LARS2: variants seen among roughly 807,000 people sequenced by gnomAD.
LARS2 encodes the protein leucine--tRNA ligase, mitochondrial.
A neutral mutation model predicts 116.6 loss-of-function variants in LARS2; 81 were observed. The observed-to-expected ratio is 0.69, with a 90% CI of 0.58 to 0.84. The LOEUF (loss-of-function observed/expected upper bound fraction) is 0.84, where lower values mean the gene tolerates loss of function less well. Among genes scored for constraint, LARS2 ranks in the 40% least tolerant of loss-of-function variants. The probability of loss-of-function intolerance (pLI) is 0.00; values close to 1 mark genes in which losing one functional copy is unlikely to be tolerated. For missense variants in LARS2, 968 were observed against 1,114.5 expected (o/e 0.87, Z 1.87); for synonymous variants, 396 against 407.2 (o/e 0.97, Z 0.33).
At chr3:45,532,070 C>T (rs921008675) in intron 20 of LARS2, among the ~76,000 whole-genome samples, 2 of 152,158 alleles carry the variant, frequency 1.3e-5, no homozygotes, top group African/African-American at 4.8e-5. Context: ...TTTTCTTCTT[C>T]TAATAGTTAT....
chr3:45,447,787 C>G (rs372434714), intron 7 of LARS2, among the ~76,000 whole-genome samples: 1 of 151,880 alleles, frequency 6.6e-6, no homozygotes, highest in South Asian at 2.1e-4. Context: ...AGTGGTCTCC[C>G]GAGAAATGAA....
At chr3:45,532,567 C>A (rs908308121) in intron 20 of LARS2, among the ~76,000 whole-genome samples, 5 of 152,136 alleles carry the variant, frequency 3.3e-5, no homozygotes, top group Non-Finnish European at 5.9e-5. Flanking sequence ...CTAAGACTAG[C>A]TTTTTCTCAA....
At chr3:45,478,176 C>T (rs1226619890) in intron 10 of LARS2, among the ~76,000 whole-genome samples, 1 of 152,172 alleles carries the variant, frequency 6.6e-6, no homozygotes, top group Non-Finnish European at 1.5e-5. Context: ...AGCTGTCTCT[C>T]TCAGGTTTAT....
At chr3:45,441,137 G>C (rs1221879370) in intron 6 of LARS2, among the ~76,000 whole-genome samples, 4 of 150,044 alleles carry the variant, frequency 2.7e-5, no homozygotes, top group Non-Finnish European at 4.4e-5. Flanking sequence ...CAATTCTCCT[G>C]CCTCAGCCAT....
In LARS2 at chr3:45,409,965, T is replaced by C. The variant is rs527523264; in HGVS notation, c.364-7517T>C. Among the ~76,000 whole-genome samples the C allele has an allele frequency of 1.2e-4, 19 of 152,382 alleles. No individual in the cohort carries two copies. In the South Asian group the frequency reaches 3.9e-3, roughly 32 times the overall value. ...TAAGAATATCTTTCCATGTTAATTCTATCTGAAAACAAAAATAGAAATGAA... is the reference window on the plus strand; with the variant it reads ...TAAGAATATCTTTCCATGTTAATTCCATCTGAAAACAAAAATAGAAATGAA... On this transcript the variant is annotated intron_variant, in intron 4 of 21. Transcript: ENST00000645846.
rs773791700 is a variant in LARS2 at position 45,394,727 on chromosome 3, G to A, written c.234+40G>A. ...AGATTCTAAGAGGGTAGAGAAGAGGGGTTGAAGGTTTGGACCCTGGGGTTA... is the reference window on the plus strand; with the variant it reads ...AGATTCTAAGAGGGTAGAGAAGAGGAGTTGAAGGTTTGGACCCTGGGGTTA... On this transcript the variant is annotated intron_variant, in intron 3 of 21. Transcript: ENST00000645846. 7 of 1,468,694 alleles carry A rather than the reference G, an allele frequency of 4.8e-6. No homozygotes were observed. The East Asian group carries it at 1.6e-4, about 33-fold the overall frequency. The allele number at this position is 1,468,694 out of a possible 1,614,324, so 91.0% of individuals were successfully genotyped here.
intron 6 of LARS2, among the ~76,000 whole-genome samples, chr3:45,428,768 A>G (rs1575247857): frequency 6.6e-6 from 1 of 152,350 alleles, no homozygotes; most frequent in East Asian, 1.9e-4. Context: ...AAACACTTAG[A>G]AAGGTTGAAA....
At chr3:45,522,788 A>C (rs1415202864) in intron 19 of LARS2, among the ~76,000 whole-genome samples, 1 of 152,154 alleles carries the variant, frequency 6.6e-6, no homozygotes, top group Non-Finnish European at 1.5e-5. Context: ...GCAGTGGTTC[A>C]CACATGTAAT....
chr3:45,505,829 A>C (rs776764514), intron 15 of LARS2, among the ~76,000 whole-genome samples: 1 of 152,108 alleles, frequency 6.6e-6, no homozygotes, highest in Non-Finnish European at 1.5e-5. Flanking sequence ...TCAATCAGTA[A>C]ATTATTCAAT....
At chr3:45,436,687 G>T (rs1047075649) in intron 6 of LARS2, among the ~76,000 whole-genome samples, 1 of 151,926 alleles carries the variant, frequency 6.6e-6, no homozygotes, top group Admixed American at 6.5e-5. Context: ...CCAGCTACTC[G>T]GGAGGCTGAG....
chr3:45,516,836 G>A (rs1700375493), intron 17 of LARS2, among the ~76,000 whole-genome samples: 1 of 152,142 alleles, frequency 6.6e-6, no homozygotes, highest in South Asian at 2.1e-4. Context: ...CCACTTAGGG[G>A]AGATTTGTCT....
At chr3:45,426,233 C>A (rs1357933474) in intron 6 of LARS2, among the ~76,000 whole-genome samples, 3 of 152,142 alleles carry the variant, frequency 2.0e-5, no homozygotes, top group Admixed American at 6.5e-5. Context: ...TGTTTTTTAT[C>A]TTAAAAGAAT....
chr3:45,520,179 G>A, intron 18 of LARS2, 40 bp from the exon 19 acceptor site: 1 of 1,436,296 alleles, frequency 7.0e-7, no homozygotes, highest in Non-Finnish European at 9.8e-7. Flanking sequence ...AAGCTTAAAA[G>A]AATTTTGAAA....
At chr3:45,540,788 CT>C (rs1247392177) in intron 20 of LARS2, among the ~76,000 whole-genome samples, 1 of 151,538 alleles carries the variant, frequency 6.6e-6, no homozygotes, top group Non-Finnish European at 1.5e-5. Flanking sequence ...ATCTATCTAT[CT>C]ATCTATCTAT....
chr3:45,486,543 G>A (rs1699817075), intron 11 of LARS2, among the ~76,000 whole-genome samples: 1 of 152,118 alleles, frequency 6.6e-6, no homozygotes, highest in Non-Finnish European at 1.5e-5. Flanking sequence ...CCGAAACCTT[G>A]CAGAGAAAGT....
At chr3:45,524,918 A>C (rs968717325) in intron 20 of LARS2, among the ~76,000 whole-genome samples, 7 of 152,218 alleles carry the variant, frequency 4.6e-5, no homozygotes, top group Non-Finnish European at 4.4e-5. Flanking sequence ...GGATTATTTG[A>C]AATTCCCACC....
intron 15 of LARS2, among the ~76,000 whole-genome samples, chr3:45,511,356 G>A (rs1334590028): frequency 2.0e-5 from 3 of 152,288 alleles, no homozygotes; most frequent in East Asian, 3.9e-4. Context: ...GGCTACAAGC[G>A]GGTTAGAAAC....
At chr3:45,419,978 A>G (rs1367903718) in intron 6 of LARS2, among the ~76,000 whole-genome samples, 4 of 152,236 alleles carry the variant, frequency 2.6e-5, no homozygotes, top group African/African-American at 9.6e-5. Flanking sequence ...CTGTGTGGCA[A>G]AAGCTTTGCA....
chr3:45,430,721 A>C (rs1456234907), intron 6 of LARS2, among the ~76,000 whole-genome samples: 4 of 146,704 alleles, frequency 2.7e-5, no homozygotes, highest in Non-Finnish European at 6.0e-5. Flanking sequence ...AGTAGCTGGG[A>C]CTACAGGCGC....
Sources: gnomAD v4.1 joint callset for allele counts (sites outside exome capture counted in the v4.1 genomes callset) on GRCh38, gnomAD v4.1.1 for gene constraint, MANE v1.5 for transcripts, NCBI Gene and HGNC (gene_info 2026-07-23, HGNC 2026-07-21) for gene names.